The following TAF1B variants were observed in gnomAD, a reference collection of about 807,000 sequenced individuals.
TAF1B encodes TATA-box binding protein associated factor, RNA polymerase I subunit B, also known as TATA box-binding protein-associated factor RNA polymerase I subunit B.
A neutral mutation model predicts 83.9 loss-of-function variants in TAF1B; 61 were observed. The observed-to-expected ratio is 0.73, with a 90% confidence interval of 0.59 to 0.90. TAF1B has a LOEUF of 0.90. Ranked by LOEUF, TAF1B falls within the 40% of genes least tolerant of loss-of-function variation. The pLI is 0.00. For synonymous variants in TAF1B, 221 were observed against 224.6 expected, an observed-to-expected ratio of 0.98 and a Z score of 0.14; for missense variants, 625 against 677.0, an observed-to-expected ratio of 0.92 and a Z score of 0.85.
intron 6 of TAF1B, among the ~76,000 whole-genome samples, chr2:9,869,210 T>A (rs542048068): frequency 6.6e-6 from 1 of 152,062 alleles, no homozygotes; most frequent in South Asian, 2.1e-4. Flanking sequence ...TTTTGTTTGC[T>A]TATTTTTTTT....
At chr2:9,928,296 G>A (rs1288424616) in intron 14 of TAF1B, among the ~76,000 whole-genome samples, 4 of 152,170 alleles carry the variant, frequency 2.6e-5, no homozygotes, top group Non-Finnish European at 4.4e-5. Context: ...GTCAGGTAGT[G>A]TAATGCCTCC....
chr2:9,909,591 G>C (rs1297255967), intron 9 of TAF1B, among the ~76,000 whole-genome samples: 2 of 152,218 alleles, frequency 1.3e-5, no homozygotes, highest in East Asian at 3.8e-4. Context: ...GGAATACGAT[G>C]ATTGGGCCAC....
chr2:9,851,981 T>C (rs964820997), intron 4 of TAF1B: 10 of 488,112 alleles, frequency 2.0e-5, no homozygotes, highest in Admixed American at 1.9e-4. Flanking sequence ...ATGTCCTGTG[T>C]GTTATTCACA....
At chr2:9,868,205 G>T in intron 5 of TAF1B, 71 bp from the exon 6 acceptor site, 48 of 1,432,600 alleles carry the variant, frequency 3.4e-5, no homozygotes, top group Non-Finnish European at 3.8e-5. Context: ...GATAGGAGTT[G>T]TTTAAGTTCA....
At chr2:9,904,822 A>G (rs2052948) in intron 8 of TAF1B, 37 bp from the exon 9 acceptor site, 441,385 of 1,575,018 alleles carry the variant, frequency 0.28, 64,246 homozygotes, top group Admixed American at 0.44. Context: ...GTTTTGTTGC[A>G]AAAATTGCAA....
chr2:9,874,119 GA>G (rs1269918227), intron 6 of TAF1B, among the ~76,000 whole-genome samples: 1 of 152,106 alleles, frequency 6.6e-6, no homozygotes, highest in East Asian at 1.9e-4. Context: ...AGGTTGAATG[GA>G]CTCATCGTTC....
intron 8 of TAF1B, among the ~76,000 whole-genome samples, chr2:9,889,768 G>A (rs891962512): frequency 1.3e-5 from 2 of 152,032 alleles, no homozygotes; most frequent in Non-Finnish European, 2.9e-5. Flanking sequence ...GTTGTGTGTG[G>A]TTTGTTATTA....
chr2:9,876,210 TTATG>T (rs529781058), intron 7 of TAF1B, among the ~76,000 whole-genome samples, 192 bp downstream of exon 7: 106 of 152,332 alleles, frequency 7.0e-4, no homozygotes, highest in Non-Finnish European at 1.4e-3. Context: ...ATTTTCTTAT[TTATG>T]TAGTAGAAAT....
chr2:9,866,061 G>C (rs1260226979), intron 5 of TAF1B, among the ~76,000 whole-genome samples: 6 of 147,672 alleles, frequency 4.1e-5, no homozygotes, highest in African/African-American at 1.5e-4. Flanking sequence ...AAAAGCAATG[G>C]CAACAAAAGC....
chr2:9,933,696 A>T, intron 14 of TAF1B, 87 bp from the exon 15 acceptor site: 2 of 1,099,132 alleles, frequency 1.8e-6, no homozygotes, highest in Non-Finnish European at 2.6e-6. Context: ...ATATTTGCTA[A>T]GTTATTTGGG....
intron 9 of TAF1B, among the ~76,000 whole-genome samples, chr2:9,908,412 A>G (rs1018569457): frequency 6.6e-6 from 1 of 152,160 alleles, no homozygotes; most frequent in Admixed American, 6.5e-5. Flanking sequence ...TAATAATACT[A>G]ATATGGTTTT....
In TAF1B at chr2:9,861,761, G is replaced by C. The variant is rs574603317; in HGVS notation, c.400-6515G>C. 7.9e-5 allele frequency among the ~76,000 whole-genome samples: 12 copies of C among 152,310 alleles called. No homozygotes were observed. In the South Asian group the frequency reaches 2.5e-3, roughly 32 times the overall value. ...TCTGAGACAAAACTTCCAGAGGAAC[G>C]ATCAGGCAGCAGCATTTGCGGTTCA... On this transcript the variant is annotated intron_variant, in intron 5 of 14. Transcript: ENST00000263663.
chr2:9,885,600 G>T (rs1388875991), intron 8 of TAF1B, among the ~76,000 whole-genome samples: 1 of 152,150 alleles, frequency 6.6e-6, no homozygotes, highest in Non-Finnish European at 1.5e-5. Flanking sequence ...CTCATTCTAG[G>T]TGTGAATCTT....
intron 6 of TAF1B, among the ~76,000 whole-genome samples, chr2:9,873,322 G>A (rs1019674089): frequency 2.6e-5 from 4 of 152,214 alleles, no homozygotes; most frequent in African/African-American, 4.8e-5. Flanking sequence ...AGAATTTGGA[G>A]AAAGGGATTT....
chr2:9,893,810 G>A (rs1664941244), intron 8 of TAF1B, among the ~76,000 whole-genome samples: 1 of 150,402 alleles, frequency 6.6e-6, no homozygotes, highest in South Asian at 2.1e-4. Context: ...GTTACCTCTG[G>A]AGGCAGAGAC....
At chr2:9,853,451 A>G (rs1243505504) in intron 4 of TAF1B, among the ~76,000 whole-genome samples, 1 of 151,996 alleles carries the variant, frequency 6.6e-6, no homozygotes, top group Non-Finnish European at 1.5e-5. Context: ...GAATAAATGG[A>G]AAAGTCTTTC....
chr2:9,911,033 G>A lies in TAF1B; in HGVS notation c.1133+120G>A, dbSNP rs182045015. 1.6e-4 allele frequency: 126 copies of A among 785,306 alleles called. 1 individual carries two copies. Among genetic ancestry groups the A allele is most frequent in the Admixed American group, 7.1e-4 (22 of 31,128 alleles). 48.6% of individuals were successfully genotyped at this position (785,306 alleles called of 1,614,324 possible). ...AAGAGCTAAAGAAAAAATTTGTACTGTATTTACCTAATTATATGTTATCTC... is the reference window on the plus strand; with the variant it reads ...AAGAGCTAAAGAAAAAATTTGTACTATATTTACCTAATTATATGTTATCTC... On this transcript the variant is annotated intron_variant, in intron 10 of 14. Transcript: ENST00000263663.
chr2:9,846,603 A>G (rs186993849), intron 2 of TAF1B, among the ~76,000 whole-genome samples: 1 of 152,358 alleles, frequency 6.6e-6, no homozygotes, highest in Non-Finnish European at 1.5e-5. Context: ...AATATATTAA[A>G]TGAGTAAAAG....
chr2:9,868,534 C>T (rs767871562), intron 6 of TAF1B, 105 bp downstream of exon 6: 50 of 1,447,010 alleles, frequency 3.5e-5, no homozygotes, highest in Non-Finnish European at 4.3e-5. Flanking sequence ...CTTGGTCTAG[C>T]GAGGAAGAAT....
Sources: gnomAD v4.1 joint callset for allele counts (sites outside exome capture counted in the v4.1 genomes callset) on GRCh38, gnomAD v4.1.1 for gene constraint, MANE v1.5 for transcripts, NCBI Gene and HGNC (gene_info 2026-07-23, HGNC 2026-07-21) for gene names.